SMARCC2: variants seen among roughly 807,000 people sequenced by gnomAD.
SMARCC2 encodes SWI/SNF complex subunit SMARCC2.
A neutral mutation model predicts 151.3 loss-of-function variants in SMARCC2; 15 were observed. That is an observed-to-expected ratio of 0.10 (90% CI 0.07 to 0.15). The LOEUF (loss-of-function observed/expected upper bound fraction) is 0.15. SMARCC2 is among the 10% of genes least tolerant of loss of function. The pLI, the probability that SMARCC2 is intolerant of heterozygous loss-of-function variation, is 1.00. For synonymous variants in SMARCC2, 590 were observed against 609.5 expected (o/e 0.97, Z 0.47); for missense variants, 1,031 against 1,599.7 (o/e 0.64, Z 6.06).
chr12:56,175,927 T>G (rs571981808), intron 15 of SMARCC2, among the ~76,000 whole-genome samples: 2 of 152,178 alleles, frequency 1.3e-5, no homozygotes, highest in South Asian at 4.1e-4. Flanking sequence ...GATGAGATCT[T>G]GGCTCACTGC....
At chr12:56,172,292 G>A in intron 20 of SMARCC2, 136 bp downstream of exon 20, 1 of 759,082 alleles carries the variant, frequency 1.3e-6, no homozygotes, top group Non-Finnish European at 2.1e-6. Flanking sequence ...ATGTTGCCCA[G>A]GTTCATCTCG....
chr12:56,174,136 C>CT (rs1196827132), intron 16 of SMARCC2, among the ~76,000 whole-genome samples: 1 of 152,318 alleles, frequency 6.6e-6, no homozygotes, highest in South Asian at 2.1e-4. Flanking sequence ...CAGTTTCTTT[C>CT]TTTTTTTCCC....
chr12:56,165,825 TCTTGTG>T, intron 26 of SMARCC2, 126 bp from the exon 27 acceptor site: 1 of 946,330 alleles, frequency 1.1e-6, no homozygotes, highest in Non-Finnish European at 1.6e-6. Context: ...AAAATCTACA[TCTTGTG>T]CTTGTGCTCC....
At chr12:56,187,556 C>T (rs1433410046) in intron 1 of SMARCC2, among the ~76,000 whole-genome samples, 1 of 152,184 alleles carries the variant, frequency 6.6e-6, no homozygotes, top group East Asian at 1.9e-4. Flanking sequence ...TACTCTTCCT[C>T]AGTTATACTC....
At position 56,171,751 on chromosome 12, in the gene SMARCC2, T is replaced by C; in HGVS notation, c.2113A>G (p.Met705Val). The C allele has an allele frequency of 6.2e-7, 1 of 1,611,056 alleles. No homozygotes were observed. The highest frequency in any genetic ancestry group is 8.5e-7 in the Non-Finnish European group (1 of 1,178,592). The change falls in exon 21 of 29, where the codon ATG becomes GTG. Residue 705 changes from methionine (M) to valine (V), a missense_variant. By Grantham distance (21) the Met-to-Val change is conservative (BLOSUM62 1). Coordinates refer to ENST00000550164, the MANE Select transcript of SMARCC2 (RefSeq NM_001330288.2). The surrounding 1 kb of genome is among the most constrained non-coding windows in gnomAD (Gnocchi z 4.2). ...GAGGCCAGGAAGGCAACAGTGCTCATAACAGGGTTGCCCGACTGACTGAAG... is the reference window on the plus strand; with the variant it reads ...GAGGCCAGGAAGGCAACAGTGCTCACAACAGGGTTGCCCGACTGACTGAAG... ...IPFSQSGNPV[M>V]STVAFLASVV...
intron 6 of SMARCC2, 50 bp downstream of exon 6, chr12:56,184,125 C>T (rs1337490188): frequency 3.6e-6 from 5 of 1,392,676 alleles, no homozygotes; most frequent in Non-Finnish European, 5.1e-6. Flanking sequence ...AGTCCTCTGC[C>T]TCCTAGTCCA....
In SMARCC2 at chr12:56,182,511, G is replaced by C. The variant is rs139404468; in HGVS notation, c.633-432C>G. 9.7e-4 allele frequency among the ~76,000 whole-genome samples: 147 copies of C among 151,768 alleles called. 5 individuals are homozygous for C. The East Asian group carries it at 0.02, about 20-fold the overall frequency. ...GGCTAATTTTTATATTTTTAGTACA[G>C]ACGGGGTTTCACCATCTTGGCCAGG... On this transcript the variant is annotated intron_variant, in intron 7 of 28. Transcript: ENST00000550164.
chr12:56,172,631 A>C lies in SMARCC2; in HGVS notation c.1817T>G (p.Phe606Cys). Residue 606 changes from phenylalanine (F) to cysteine (C), a missense_variant, in exon 19 of 29, where the codon TTT (phenylalanine) becomes TGT (cysteine). Phe to Cys is a radical substitution (Grantham distance 205, BLOSUM62 -2). Around this residue, in one of 12 missense-constraint regions of SMARCC2, gnomAD observed 99 missense variants for 148.3 expected, o/e 0.67. Transcript: ENST00000550164. ...TGTGTACATGTCTGTGCGCAGCCCAAAGTTTTGCATGTCTGTTGGTTTCTC... is the reference window on the plus strand; with the variant it reads ...TGTGTACATGTCTGTGCGCAGCCCACAGTTTTGCATGTCTGTTGGTTTCTC... ...GKEKPTDMQN[F>C]GLRTDMYTKK... The C allele has an allele frequency of 6.2e-7, 1 of 1,614,110 alleles. No homozygotes were observed. The highest frequency in any genetic ancestry group is 8.5e-7 in the Non-Finnish European group (1 of 1,179,998).
In SMARCC2 at chr12:56,163,484, C is replaced by A; in HGVS notation, c.*205G>T. 2.5e-6 allele frequency: 1 copy of A among 402,044 alleles called. No homozygotes were observed. The highest frequency in any genetic ancestry group is 3.8e-5 in the East Asian group (1 of 26,018). 24.9% of individuals were successfully genotyped at this position (402,044 alleles called of 1,614,324 possible). On this transcript the variant is annotated 3_prime_UTR_variant, in exon 29 of 29. Transcript: ENST00000550164. ...CCTCTCTCCCAGACATTATAAACATCTTTTAAACAGAAGTCCTTGAATAAT... is the reference window on the plus strand; with the variant it reads ...CCTCTCTCCCAGACATTATAAACATATTTTAAACAGAAGTCCTTGAATAAT...
rs377618856 is a variant in SMARCC2, at chr12:56,172,920, G to A, written c.1743+17C>T. On this transcript the variant is annotated intron_variant, in intron 18 of 28. Transcript: ENST00000550164. ...AGGGGAAAATGAGCAGCCCAGCAGG[G>A]TCTGCACCCCACCTACCAGCTCTGG... The A allele has an allele frequency of 6.2e-7, 1 of 1,611,040 alleles. No homozygotes were observed. The highest frequency in any genetic ancestry group is 1.1e-5 in the South Asian group (1 of 91,068).
chr12:56,179,103 A>G, intron 11 of SMARCC2, 47 bp from the exon 12 acceptor site: 1 of 1,550,076 alleles, frequency 6.5e-7, no homozygotes, highest in Middle Eastern at 1.7e-4. Flanking sequence ...TGCCTAATTC[A>G]AGCCTTCAAT....
At chr12:56,164,780 T>TA in intron 27 of SMARCC2, 49 bp from the exon 28 acceptor site, 3 of 1,431,918 alleles carry the variant, frequency 2.1e-6, no homozygotes, top group Non-Finnish European at 2.8e-6. Context: ...AAATTTTGCT[T>TA]AACAACTCAC....
At position 56,162,395 on chromosome 12, in the gene SMARCC2, AAAG is replaced by A. The variant is rs1476659724; in HGVS notation, c.*1291_*1293del. On this transcript the variant is annotated 3_prime_UTR_variant, in exon 29 of 29. Coordinates refer to ENST00000550164, the MANE Select transcript of SMARCC2 (RefSeq NM_001330288.2). ...GCAAATTAATTTATAAAAAAAAAAAAAAGAAAGAAAGAAAAAAAGAGAAAATTT... is the reference window on the plus strand; with the variant it reads ...GCAAATTAATTTATAAAAAAAAAAAAAAAGAAAGAAAAAAAGAGAAAATTT... 142 of 643,590 alleles carry A rather than the reference AAAG, an allele frequency of 2.2e-4. No homozygotes were observed. The African/African-American group carries it at 2.3e-3, about 10-fold the overall frequency. The allele number at this position is 643,590 out of a possible 1,614,324, so 39.9% of individuals were successfully genotyped here. A position where few individuals can be genotyped will look rare whatever the true frequency, so the allele number is the denominator to read the frequency against.
intron 25 of SMARCC2, among the ~76,000 whole-genome samples, 175 bp downstream of exon 25, chr12:56,169,354 A>G (rs1307179946): frequency 6.6e-6 from 1 of 152,240 alleles, no homozygotes; most frequent in Non-Finnish European, 1.5e-5. Context: ...CAATGGTGAT[A>G]TATTTTTTAA....
intron 14 of SMARCC2, 71 bp from the exon 15 acceptor site, chr12:56,178,164 A>G (rs528191528): frequency 3.9e-6 from 5 of 1,272,966 alleles, no homozygotes; most frequent in Admixed American, 4.3e-5. Context: ...AGGGAGGAAA[A>G]GCCTAGAAGG....
In SMARCC2 at chr12:56,169,570, C is replaced by T; in HGVS notation, c.2674G>A (p.Ala892Thr). Reference protein sequence around the residue: ...RDIGEGNLSTAAAAALAAAAV... With the variant: ...RDIGEGNLSTTAAAALAAAAV... ...GCGGCGGCCAGGGCGGCGGCAGCAGCGGTGGAGAGGTTGCCCTCGCCAATG... is the reference window on the plus strand; with the variant it reads ...GCGGCGGCCAGGGCGGCGGCAGCAGTGGTGGAGAGGTTGCCCTCGCCAATG... The change falls in exon 25 of 29, where the codon GCT becomes ACT. Residue 892 changes from alanine to threonine, a missense_variant. This residue lies in a region of SMARCC2 where 49 missense variants were observed against 134.8 expected (regional missense o/e 0.36). Coordinates refer to ENST00000550164, the MANE Select transcript of SMARCC2 (RefSeq NM_001330288.2). 1 of 1,614,178 alleles carries T rather than the reference C, an allele frequency of 6.2e-7. No homozygotes were observed. Among genetic ancestry groups the T allele is most frequent in the Non-Finnish European group, 8.5e-7 (1 of 1,180,010 alleles).
rs1230826201 is a variant in SMARCC2, at chr12:56,162,858, T to A, written c.*831A>T. 1.3e-5 allele frequency: 2 copies of A among 153,664 alleles called. No individual in the cohort carries two copies. The highest frequency in any genetic ancestry group is 1.3e-4 in the Admixed American group (2 of 15,618). The allele number at this position is 153,664 out of a possible 1,614,324, so 9.5% of individuals were successfully genotyped here. A position where few individuals can be genotyped will look rare whatever the true frequency, so the allele number is the denominator to read the frequency against. On this transcript the variant is annotated 3_prime_UTR_variant, in exon 29 of 29. Coordinates refer to ENST00000550164, the MANE Select transcript of SMARCC2 (RefSeq NM_001330288.2). ...CTCCCTTCTCTGTGCCTTCCAGGAG[T>A]CCATGGATACAGCCCAGGGAAGGAA... is the stretch of plus-strand genomic sequence containing the variant.
rs1465499373 is a variant in SMARCC2 at position 56,189,345 on chromosome 12, G to GGCCCT, written c.111+5_111+6insAGGGC. 6.7e-6 allele frequency: 10 copies of GGCCCT among 1,490,858 alleles called. No individual in the cohort carries two copies. Among genetic ancestry groups the GGCCCT allele is most frequent in the African/African-American group, 1.4e-5 (1 of 69,148 alleles). The allele number at this position is 1,490,858 out of a possible 1,614,324, so 92.4% of individuals were successfully genotyped here. ...GTCCCCGCGCGGCCCGGCCCGGCCC[G>GGCCCT]CGTACCTTCTTGTAGTTCTTGCCGA... On this transcript the variant is annotated splice_donor_region_variant and intron_variant, in intron 1 of 28. Transcript: ENST00000550164.
At position 56,178,092 on chromosome 12, in the gene SMARCC2, C is replaced by T; in HGVS notation, c.1312G>A (p.Val438Ile). 1 of 1,612,538 alleles carries T rather than the reference C, an allele frequency of 6.2e-7. No homozygotes were observed. The highest frequency in any genetic ancestry group is 8.5e-7 in the Non-Finnish European group (1 of 1,178,966). Residue 438 changes from valine to isoleucine, a missense_variant and splice_region_variant, in exon 15 of 29, where the codon GTT (valine) becomes ATT (isoleucine). Val to Ile is a conservative substitution (Grantham distance 29). Transcript: ENST00000550164. ...AGAGCCCTCCGCTCAATGGCATGAA[C>T]ACTGCAAGAAAAGCCAGAATGGTTT... ...SYAAWFDYNS[V>I]HAIERRALPE...
Sources: gnomAD v4.1 joint callset for allele counts (sites outside exome capture counted in the v4.1 genomes callset) on GRCh38, gnomAD v4.1.1 for gene constraint, gnomAD v4.1.1 regional missense constraint, Gnocchi (gnomAD v3.1) non-coding constraint, MANE v1.5 for transcripts, NCBI Gene and HGNC (gene_info 2026-07-23, HGNC 2026-07-21) for gene names.